The following TMPRSS2 variants were observed in gnomAD, a reference collection of about 807,000 sequenced individuals.
TMPRSS2 encodes transmembrane protease serine 2.
In TMPRSS2, 59 loss-of-function variants were observed where a neutral mutation model predicts 67.4. That is an observed-to-expected ratio of 0.88 (90% CI 0.71 to 1.09). TMPRSS2 has a LOEUF of 1.09. Ranked by LOEUF, TMPRSS2 falls within the 50% of genes least tolerant of loss-of-function variation. The probability of loss-of-function intolerance (pLI) is 0.00; values close to 1 mark genes in which losing one functional copy is unlikely to be tolerated. For missense variants in TMPRSS2, 668 were observed against 642.7 expected (o/e 1.04, Z -0.43); for synonymous variants, 257 against 257.0 (o/e 1.00, Z 0.00).
At chr21:41,480,936 C>T (rs2091252667) in intron 5 of TMPRSS2, among the ~76,000 whole-genome samples, 1 of 152,230 alleles carries the variant, frequency 6.6e-6, no homozygotes, top group African/African-American at 2.4e-5. Flanking sequence ...TTGCACCTGG[C>T]CTTGTCCCAA....
At position 41,468,260 on chromosome 21, in the gene TMPRSS2, G is replaced by A. The variant is rs190618812; in HGVS notation, c.1314+136C>T. On this transcript the variant is annotated intron_variant, in intron 12 of 13. Coordinates refer to ENST00000332149, the MANE Select transcript of TMPRSS2 (RefSeq NM_005656.4). ...AGAAGCGTTCGCACTGTTTGTGGCC[G>A]TCACTTCCCATGACTGCCCCGAGCT... 612 of 1,127,930 alleles carry A rather than the reference G, an allele frequency of 5.4e-4. 1 individual carries two copies. In the East Asian group the frequency reaches 0.014, roughly 25 times the overall value. The allele number at this position is 1,127,930 out of a possible 1,614,324, so 69.9% of individuals were successfully genotyped here. A position where few individuals can be genotyped will look rare whatever the true frequency, so the allele number is the denominator to read the frequency against.
At chr21:41,475,289 G>A (rs1224408239) in intron 8 of TMPRSS2, among the ~76,000 whole-genome samples, 1 of 12,680 alleles carries the variant, frequency 7.9e-5, no homozygotes, top group Admixed American at 7.0e-4. Flanking sequence ...GGATGAGTGA[G>A]GGGGTAAGTA....
intron 12 of TMPRSS2, 133 bp from the exon 13 acceptor site, chr21:41,468,019 TC>T: frequency 1.1e-6 from 1 of 926,976 alleles, no homozygotes; most frequent in Non-Finnish European, 1.6e-6. Context: ...GCTTCGAATC[TC>T]CACCATCAAG....
chr21:41,473,309 G>T lies in TMPRSS2; in HGVS notation c.899+16C>A. 2 of 1,569,668 alleles carry T rather than the reference G, an allele frequency of 1.3e-6. No homozygotes were observed. Among genetic ancestry groups the T allele is most frequent in the Non-Finnish European group, 1.7e-6 (2 of 1,154,858 alleles). On this transcript the variant is annotated intron_variant, in intron 9 of 13. Coordinates refer to ENST00000332149, the MANE Select transcript of TMPRSS2 (RefSeq NM_005656.4). ...AGCCCTGAGCCCCCACCCGGCCCGC[G>T]CCGCCCCTGGCATACTTTTCCACGC...
intron 4 of TMPRSS2, 90 bp from the exon 5 acceptor site, chr21:41,488,603 T>G: frequency 7.1e-7 from 1 of 1,408,230 alleles, no homozygotes; most frequent in Non-Finnish European, 9.7e-7. Context: ...TTACTGTAGC[T>G]CGCTGCAGCC....
At chr21:41,470,842 ACCC>A in intron 10 of TMPRSS2, 99 bp from the exon 11 acceptor site, 3 of 936,438 alleles carry the variant, frequency 3.2e-6, no homozygotes, top group Non-Finnish European at 3.2e-6. Context: ...CACCCTGGCC[ACCC>A]TGCCCAGAGG....
At chr21:41,481,382 G>A (rs1230048955) in intron 5 of TMPRSS2, among the ~76,000 whole-genome samples, 3 of 152,114 alleles carry the variant, frequency 2.0e-5, no homozygotes, top group Non-Finnish European at 2.9e-5. Flanking sequence ...GTGAGCCCAC[G>A]TATTGCATGA....
intron 5 of TMPRSS2, among the ~76,000 whole-genome samples, chr21:41,485,874 C>T (rs551103429): frequency 6.6e-6 from 1 of 152,322 alleles, no homozygotes; most frequent in Non-Finnish European, 1.5e-5. Flanking sequence ...CTTGGGCCTG[C>T]TCAAGGCCGG....
Position 41,492,026 on chromosome 21 carries a change from C to T in TMPRSS2, c.238+2330G>A, listed in dbSNP as rs537412369. Among the ~76,000 whole-genome samples the T allele has an allele frequency of 3.3e-5, 5 of 152,318 alleles. No individual in the cohort carries two copies. In the East Asian group the frequency reaches 9.6e-4, roughly 29 times the overall value. On this transcript the variant is annotated intron_variant, in intron 3 of 13. Coordinates refer to ENST00000332149, the MANE Select transcript of TMPRSS2 (RefSeq NM_005656.4). ...CCTGGCCAGCATGGCAAAACCCCGT[C>T]TCTACTAAAAATACAAAAATTAGCC... is the stretch of plus-strand genomic sequence containing the variant.
At chr21:41,467,384 A>G (rs1186751043) in intron 13 of TMPRSS2, among the ~76,000 whole-genome samples, 1 of 145,670 alleles carries the variant, frequency 6.9e-6, no homozygotes, top group Non-Finnish European at 1.5e-5. Context: ...GTGAGACTCC[A>G]TCTCAAAAAA....
chr21:41,475,631 GTTGAGGGA>G (rs2091204501), intron 8 of TMPRSS2, among the ~76,000 whole-genome samples: 1 of 22,372 alleles, frequency 4.5e-5, no homozygotes, highest in Non-Finnish European at 1.4e-4. Flanking sequence ...GTGAGTGAGG[GTTGAGGGA>G]GTGAGGAGGT....
intron 5 of TMPRSS2, chr21:41,488,072 C>T: frequency 4.9e-6 from 1 of 204,774 alleles, no homozygotes; most frequent in South Asian, 1.1e-4. Flanking sequence ...GGATTACAGG[C>T]ATGAGCCACC....
chr21:41,502,727 T>C (rs1180390015), intron 1 of TMPRSS2, among the ~76,000 whole-genome samples: 1 of 152,172 alleles, frequency 6.6e-6, no homozygotes, highest in Non-Finnish European at 1.5e-5. Flanking sequence ...GCATACACAA[T>C]GATTGGCACA....
At chr21:41,488,083 G>A (rs150205743) in intron 5 of TMPRSS2, 374 of 219,146 alleles carry the variant, frequency 1.7e-3, no homozygotes, top group African/African-American at 7.1e-3. Context: ...ATGAGCCACC[G>A]TTCCTAGCCT....
intron 2 of TMPRSS2, 42 bp from the exon 3 acceptor site, chr21:41,494,620 T>C (rs960823214): frequency 6.4e-6 from 10 of 1,570,520 alleles, no homozygotes; most frequent in Non-Finnish European, 8.8e-6. Flanking sequence ...AAACTCTTAT[T>C]TGCACTAAAG....
intron 10 of TMPRSS2, among the ~76,000 whole-genome samples, chr21:41,470,978 A>G (rs1398725944): frequency 6.6e-6 from 1 of 152,228 alleles, no homozygotes; most frequent in Non-Finnish European, 1.5e-5. Flanking sequence ...TATAAGAGGA[A>G]TTATTTGCTA....
At chr21:41,507,360 G>A (rs1277817152) in intron 1 of TMPRSS2, among the ~76,000 whole-genome samples, 3 of 152,124 alleles carry the variant, frequency 2.0e-5, no homozygotes, top group Non-Finnish European at 2.9e-5. Flanking sequence ...CCTCCCGGGC[G>A]GGTTCCTGCC....
In TMPRSS2 at chr21:41,481,707, A is replaced by G. The variant is rs116568213; in HGVS notation, c.446-1105T>C. On this transcript the variant is annotated intron_variant, in intron 5 of 13. Coordinates refer to ENST00000332149, the MANE Select transcript of TMPRSS2 (RefSeq NM_005656.4). Reference sequence around the variant, plus strand: ...ATATATATGTTTTATATATAAAAGCACTGAATTATATACTTGAATTTTATG... The same window carrying G: ...ATATATATGTTTTATATATAAAAGCGCTGAATTATATACTTGAATTTTATG... Among the ~76,000 whole-genome samples the G allele has an allele frequency of 5.7e-3, 875 of 152,312 alleles. 10 individuals are homozygous for G. Among genetic ancestry groups the G allele is most frequent in the African/African-American group, 0.02 (840 of 41,560 alleles).
chr21:41,489,010 G>A (rs2091317148), intron 4 of TMPRSS2, among the ~76,000 whole-genome samples: 1 of 152,186 alleles, frequency 6.6e-6, no homozygotes, highest in Admixed American at 6.6e-5. Flanking sequence ...TAGCACTGGG[G>A]CACCTTACTT....
Sources: allele counts gnomAD v4.1 joint callset (sites outside exome capture counted in the v4.1 genomes callset), GRCh38; gene constraint gnomAD v4.1.1; transcripts MANE v1.5; gene names NCBI Gene and HGNC (gene_info 2026-07-23, HGNC 2026-07-21).